Variants in MAML3 observed in about 807,000 individuals in gnomAD.
MAML3 encodes the protein mastermind like transcriptional coactivator 3.
MAML3 carries 27 observed loss-of-function variants against 101.9 expected under a neutral mutation model. That is an observed-to-expected ratio of 0.27 (90% CI 0.20 to 0.37). The LOEUF (loss-of-function observed/expected upper bound fraction) is 0.37. Among genes scored for constraint, MAML3 ranks in the 10% least tolerant of loss-of-function variants. MAML3 has a pLI of 1.00. For synonymous variants in MAML3, 501 were observed against 555.9 expected, an observed-to-expected ratio of 0.90 and a Z score of 1.39; for missense variants, 1,316 against 1,444.9, an observed-to-expected ratio of 0.91 and a Z score of 1.45.
intron 1 of MAML3, among the ~76,000 whole-genome samples, chr4:139,949,258 G>A (rs1255247980): frequency 3.3e-5 from 5 of 151,962 alleles, no homozygotes; most frequent in Admixed American, 2.0e-4. Context: ...CTCGTGATCC[G>A]CCTGCCTTGG....
intron 2 of MAML3, among the ~76,000 whole-genome samples, chr4:139,879,537 AAAAGAAAAG>A (rs1343796586): frequency 2.8e-5 from 4 of 145,002 alleles, no homozygotes; most frequent in Admixed American, 1.4e-4. Context: ...AAAAAAAAAA[AAAAGAAAAG>A]AAAAGAAAAG....
chr4:139,820,147 G>T (rs976337754), intron 2 of MAML3, among the ~76,000 whole-genome samples: 1 of 152,186 alleles, frequency 6.6e-6, no homozygotes, highest in Non-Finnish European at 1.5e-5. Context: ...TCAGATAAAG[G>T]TTTGTCAATT....
chr4:139,903,636 G>A (rs929066113), intron 1 of MAML3, among the ~76,000 whole-genome samples: 2 of 152,222 alleles, frequency 1.3e-5, no homozygotes, highest in Admixed American at 1.3e-4. Context: ...CAGAGGTTAA[G>A]TTAAAATGAG....
chr4:139,832,094 C>CTTTTTTTTTTTTTTTTTTTTTTT lies in MAML3; in HGVS notation c.2079+57240_2079+57262dup, dbSNP rs70943444. Among the ~76,000 whole-genome samples, 13 of 64,702 alleles carry CTTTTTTTTTTTTTTTTTTTTTTT rather than the reference C, an allele frequency of 2.0e-4. 3 individuals are homozygous for CTTTTTTTTTTTTTTTTTTTTTTT. The highest frequency in any genetic ancestry group is 4.3e-4 in the Non-Finnish European group (13 of 29,894). The allele number at this position is 64,702 out of a possible 152,430, so 42.4% of individuals were successfully genotyped here. A position where few individuals can be genotyped will look rare whatever the true frequency, so the allele number is the denominator to read the frequency against. ...AGGCGTGAGCCATCATGCCCAGCCC[C>CTTTTTTTTTTTTTTTTTTTTTTT]TTTTTTTTTTTTTTTTTTTTTTTTT... is the stretch of plus-strand genomic sequence containing the variant. On this transcript the variant is annotated intron_variant, in intron 2 of 4. Transcript: ENST00000509479.
At chr4:140,034,416 A>G (rs1317487655) in intron 1 of MAML3, among the ~76,000 whole-genome samples, 1 of 152,208 alleles carries the variant, frequency 6.6e-6, no homozygotes, top group Non-Finnish European at 1.5e-5. Flanking sequence ...TGAAAAAGAG[A>G]TGGAGTTGGA....
At chr4:139,945,402 A>T (rs1438919636) in intron 1 of MAML3, among the ~76,000 whole-genome samples, 1 of 152,196 alleles carries the variant, frequency 6.6e-6, no homozygotes, top group Non-Finnish European at 1.5e-5. Flanking sequence ...TTTTTTTAAA[A>T]AAGATTTATC....
rs145228846 is a variant in MAML3, at chr4:140,126,751, C to T, written c.468+26109G>A. Reference sequence around the variant, plus strand: ...ATCCCTTCAGAATGGACCATAAATACACCCATTAAACGTCGCATGTCCAAA... The same window carrying T: ...ATCCCTTCAGAATGGACCATAAATATACCCATTAAACGTCGCATGTCCAAA... On this transcript the variant is annotated intron_variant, in intron 1 of 4. Coordinates refer to ENST00000509479, the MANE Select transcript of MAML3 (RefSeq NM_018717.5). Among the ~76,000 whole-genome samples, 814 of 152,150 alleles carry T rather than the reference C, an allele frequency of 5.3e-3. 7 individuals carry two copies. The highest frequency in any genetic ancestry group is 0.019 in the African/African-American group (791 of 41,448).
rs1193127248 is a variant in MAML3, at chr4:139,829,029, GGACGGACT to G, written c.2079+60320_2079+60327del. On this transcript the variant is annotated intron_variant, in intron 2 of 4. Transcript: ENST00000509479. ...AGGAAGGAAGGAAGGAAGGACGGAC[GGACGGACT>G]AAGGGAGGGAGGGAGGAAGGAAAGA... 5.0e-5 allele frequency among the ~76,000 whole-genome samples: 7 copies of G among 139,724 alleles called. 1 individual carries two copies. The South Asian group carries it at 1.6e-3, about 32-fold the overall frequency. 91.7% of individuals were successfully genotyped at this position (139,724 alleles called of 152,430 possible). A position where few individuals can be genotyped will look rare whatever the true frequency, so the allele number is the denominator to read the frequency against.
At chr4:139,761,386 GA>G (rs879863749) in intron 2 of MAML3, among the ~76,000 whole-genome samples, 9 of 152,076 alleles carry the variant, frequency 5.9e-5, no homozygotes, top group South Asian at 4.1e-4. Flanking sequence ...AGAGAGTCTG[GA>G]GGGGGCGTTA....
At chr4:139,888,008 T>C (rs1388985266) in intron 2 of MAML3, among the ~76,000 whole-genome samples, 1 of 152,210 alleles carries the variant, frequency 6.6e-6, no homozygotes, top group African/African-American at 2.4e-5. Context: ...AGTTATACTT[T>C]TATTTATCCA....
At chr4:139,796,283 A>G (rs1197457148) in intron 2 of MAML3, among the ~76,000 whole-genome samples, 2 of 152,174 alleles carry the variant, frequency 1.3e-5, no homozygotes, top group African/African-American at 2.4e-5. Flanking sequence ...AAAAAAGAAG[A>G]TATTTTACAC....
intron 2 of MAML3, among the ~76,000 whole-genome samples, chr4:139,883,897 T>G (rs1732272898): frequency 6.8e-6 from 1 of 147,002 alleles, no homozygotes; most frequent in Non-Finnish European, 1.5e-5. Context: ...GTCTTTTTTT[T>G]TTTTTTTTTT....
intron 2 of MAML3, among the ~76,000 whole-genome samples, chr4:139,761,945 G>A (rs1729767798): frequency 6.6e-6 from 1 of 152,148 alleles, no homozygotes; most frequent in Admixed American, 6.5e-5. Context: ...CTGTGGACAA[G>A]CAGTTCTATA....
chr4:139,949,818 T>A (rs930827646), intron 1 of MAML3, among the ~76,000 whole-genome samples: 2 of 152,218 alleles, frequency 1.3e-5, no homozygotes, highest in South Asian at 4.1e-4. Flanking sequence ...AATACCAATA[T>A]AGATGTTGCT....
chr4:139,719,513 G>A lies in MAML3; in HGVS notation c.3227C>T (p.Ala1076Val). Residue 1076 changes from alanine (A) to valine (V), a missense_variant, in exon 5 of 5, where the codon GCT becomes GTT. By Grantham distance (64) the Ala-to-Val change is moderately conservative. Coordinates refer to ENST00000509479, the MANE Select transcript of MAML3 (RefSeq NM_018717.5). ...ATAGGCTTGGCTCTGGCTGCTTGGAGCAAAGCTGCCACTGGGTATCTGCTG... is the reference window on the plus strand; with the variant it reads ...ATAGGCTTGGCTCTGGCTGCTTGGAACAAAGCTGCCACTGGGTATCTGCTG... ...AQQQIPSGSF[A>V]PSSQSQAYER... 2.5e-6 allele frequency: 4 copies of A among 1,613,888 alleles called. No individual in the cohort carries two copies. Among genetic ancestry groups the A allele is most frequent in the South Asian group, 1.1e-5 (1 of 91,076 alleles).
intron 2 of MAML3, among the ~76,000 whole-genome samples, chr4:139,848,134 A>G (rs989364640): frequency 1.3e-5 from 2 of 152,162 alleles, no homozygotes; most frequent in Non-Finnish European, 1.5e-5. Context: ...GAAGCCCCCA[A>G]TTTCTAAGTT....
At chr4:139,962,403 G>A (rs1392635896) in intron 1 of MAML3, among the ~76,000 whole-genome samples, 1 of 152,090 alleles carries the variant, frequency 6.6e-6, no homozygotes, top group Admixed American at 6.6e-5. Flanking sequence ...TTATGTTCTG[G>A]CAATTAAAGC....
chr4:139,860,472 T>G (rs1404819586), intron 2 of MAML3, among the ~76,000 whole-genome samples: 2 of 152,178 alleles, frequency 1.3e-5, no homozygotes, highest in South Asian at 2.1e-4. Flanking sequence ...TTCCCTCTCT[T>G]ATATTTTCTC....
chr4:139,892,623 G>T (rs1732522824), intron 1 of MAML3, among the ~76,000 whole-genome samples: 1 of 145,352 alleles, frequency 6.9e-6, no homozygotes, highest in Non-Finnish European at 1.5e-5. Context: ...AAAAAAAATA[G>T]ACTGCCTTTC....
Sources: gnomAD v4.1 joint callset for allele counts (sites outside exome capture counted in the v4.1 genomes callset) on GRCh38, gnomAD v4.1.1 for gene constraint, MANE v1.5 for transcripts, NCBI Gene and HGNC (gene_info 2026-07-23, HGNC 2026-07-21) for gene names.